Variants in C2CD2 observed in about 807,000 individuals in gnomAD.
C2CD2 encodes C2 calcium dependent domain containing 2, also known as C2 domain-containing protein 2.
A neutral mutation model predicts 74.3 loss-of-function variants in C2CD2; 43 were observed. The observed-to-expected ratio is 0.58, with a 90% CI of 0.45 to 0.75. The LOEUF is 0.75. C2CD2 is among the 30% of genes least tolerant of loss of function. The probability of loss-of-function intolerance (pLI) is 0.00; values close to 1 mark genes in which losing one functional copy is unlikely to be tolerated. For missense variants in C2CD2, 801 were observed against 916.3 expected, an observed-to-expected ratio of 0.87 and a Z score of 1.63; for synonymous variants, 422 against 390.7, an observed-to-expected ratio of 1.08 and a Z score of -0.94.
intron 10 of C2CD2, 68 bp downstream of exon 10, chr21:41,906,924 G>T: frequency 7.9e-7 from 1 of 1,271,088 alleles, no homozygotes; most frequent in Non-Finnish European, 1.1e-6. Flanking sequence ...CTCTGCAGTT[G>T]TGGGGGCAAG....
At chr21:41,890,659 G>A (rs2064741065) in intron 13 of C2CD2, among the ~76,000 whole-genome samples, 1 of 152,200 alleles carries the variant, frequency 6.6e-6, no homozygotes, top group Non-Finnish European at 1.5e-5. Flanking sequence ...CTTTGTGATA[G>A]GCATATCCAA....
intron 1 of C2CD2, among the ~76,000 whole-genome samples, chr21:41,947,226 C>T (rs1051082778): frequency 1.4e-5 from 2 of 147,598 alleles, no homozygotes; most frequent in Admixed American, 6.8e-5. Flanking sequence ...GGCGCGATCT[C>T]GGCTCACTGC....
At position 41,926,176 on chromosome 21, in the gene C2CD2, G is replaced by A. The variant is rs1038795645; in HGVS notation, c.379-4091C>T. Among the ~76,000 whole-genome samples, 4 of 152,170 alleles carry A rather than the reference G, an allele frequency of 2.6e-5. No individual in the cohort carries two copies. Among genetic ancestry groups the A allele is most frequent in the East Asian group, 1.9e-4 (1 of 5,200 alleles). ...TGCATCTGCAGGAGCGAGCTCCCTC[G>A]ACAACAACCAACCATCCCCCAACCT... On this transcript the variant is annotated intron_variant, in intron 2 of 13. Coordinates refer to ENST00000380486, the MANE Select transcript of C2CD2 (RefSeq NM_015500.2). The surrounding 1 kb of genome is among the most constrained non-coding windows in gnomAD (Gnocchi z 8.0).
chr21:41,891,389 T>G (rs533321455), intron 13 of C2CD2, among the ~76,000 whole-genome samples: 3 of 152,206 alleles, frequency 2.0e-5, no homozygotes, highest in Non-Finnish European at 4.4e-5. Context: ...AGGTGGATAA[T>G]GACCCCCAAC....
At chr21:41,952,807 C>G (rs1222654156) in intron 1 of C2CD2, 1 of 152,294 alleles carries the variant, frequency 6.6e-6, no homozygotes, top group African/African-American at 2.4e-5. Context: ...GATAACACCC[C>G]TGTCCCGGGA....
At chr21:41,951,223 G>A (rs186449442) in intron 1 of C2CD2, among the ~76,000 whole-genome samples, 149 of 152,314 alleles carry the variant, frequency 9.8e-4, no homozygotes, top group African/African-American at 3.1e-3. Flanking sequence ...ACACGGCAGC[G>A]ACGGCTCAGG....
At chr21:41,893,241 AC>A (rs1163651941) in intron 13 of C2CD2, among the ~76,000 whole-genome samples, 8 of 152,338 alleles carry the variant, frequency 5.3e-5, no homozygotes, top group African/African-American at 1.7e-4. Context: ...GTGAAATTGT[AC>A]TACAAGTGCC....
At chr21:41,891,231 G>A (rs2064749958) in intron 13 of C2CD2, among the ~76,000 whole-genome samples, 1 of 152,148 alleles carries the variant, frequency 6.6e-6, no homozygotes, top group Admixed American at 6.5e-5. Context: ...AGGCGGGTAA[G>A]TAGTATCAAC....
chr21:41,895,409 C>T lies in C2CD2; in HGVS notation c.1870+3644G>A, dbSNP rs147331098. ...TTTGCTGATAGTGAAGTTCACACTA[C>T]GGTCAACAATAGCCGGGGCCATGTT... On this transcript the variant is annotated intron_variant, in intron 13 of 13. Transcript: ENST00000380486. The surrounding 1 kb of genome is among the most constrained non-coding windows in gnomAD (Gnocchi z 5.0). Among the ~76,000 whole-genome samples the T allele has an allele frequency of 2.8e-4, 43 of 152,292 alleles. No individual in the cohort carries two copies. The highest frequency in any genetic ancestry group is 1.4e-3 in the Admixed American group (22 of 15,298).
chr21:41,933,108 C>A (rs1336140610), intron 2 of C2CD2, among the ~76,000 whole-genome samples: 1 of 149,932 alleles, frequency 6.7e-6, no homozygotes, highest in Non-Finnish European at 1.5e-5. Flanking sequence ...ATGCCAACCA[C>A]ATGTCCCTTG....
chr21:41,891,335 C>T (rs1230622976), intron 13 of C2CD2, among the ~76,000 whole-genome samples: 1 of 152,228 alleles, frequency 6.6e-6, no homozygotes, highest in Non-Finnish European at 1.5e-5. Flanking sequence ...CTGAAAAATG[C>T]AGCACATCGT....
intron 3 of C2CD2, 116 bp from the exon 4 acceptor site, chr21:41,919,076 G>A (rs1054958757): frequency 1.9e-5 from 14 of 739,514 alleles, no homozygotes; most frequent in Non-Finnish European, 3.3e-5. Context: ...GTGAGCATGT[G>A]TCTATGTGAG....
chr21:41,942,492 C>G, intron 1 of C2CD2, among the ~76,000 whole-genome samples: 1 of 152,264 alleles, frequency 6.6e-6, no homozygotes, highest in South Asian at 2.1e-4. Context: ...GACAGGAACC[C>G]GGGAGTAAAC....
rs2064702685 is a variant in C2CD2, at chr21:41,887,834, T to G, written c.*1290A>C. On this transcript the variant is annotated 3_prime_UTR_variant, in exon 14 of 14. Transcript: ENST00000380486. ...GTCTTTGGAGAAAAGTGAATCATAT[T>G]AAACTGTCAAGAACACTTCACCCCA... 6.6e-6 allele frequency: 1 copy of G among 152,206 alleles called. No individual in the cohort carries two copies. The highest frequency in any genetic ancestry group is 2.1e-4 in the South Asian group (1 of 4,834). The allele number at this position is 152,206 out of a possible 1,614,324, so 9.4% of individuals were successfully genotyped here. A position where few individuals can be genotyped will look rare whatever the true frequency, so the allele number is the denominator to read the frequency against.
rs778013814 is a variant in C2CD2 at position 41,947,137 on chromosome 21, T to TCTCTCTCTCTCTCTCTCCCCCTCC, written c.280-4893_280-4892insGGAGGGGGAGAGAGAGAGAGAGAG. On this transcript the variant is annotated intron_variant, in intron 1 of 13. Transcript: ENST00000380486. The stretch of plus-strand genomic sequence containing the variant: ...TTCTCTCTCTCTCTCTCTCTCTCTC[T>TCTCTCTCTCTCTCTCTCCCCCTCC]CTCCCTCCCTCCCTCCCTCCCTCTC... Among the ~76,000 whole-genome samples the TCTCTCTCTCTCTCTCTCCCCCTCC allele has an allele frequency of 5.8e-4, 15 of 25,694 alleles. 1 individual carries two copies. The highest frequency in any genetic ancestry group is 2.4e-3 in the African/African-American group (15 of 6,308). 16.9% of individuals were successfully genotyped at this position (25,694 alleles called of 152,430 possible).
Position 41,948,870 on chromosome 21 carries a change from C to CTTTTTTTTTTTTTTTTTTTTTTTT in C2CD2, c.279+4499_279+4500insAAAAAAAAAAAAAAAAAAAAAAAA, listed in dbSNP as rs967927171. 2.5e-4 allele frequency among the ~76,000 whole-genome samples: 20 copies of CTTTTTTTTTTTTTTTTTTTTTTTT among 80,708 alleles called. 8 individuals are homozygous for CTTTTTTTTTTTTTTTTTTTTTTTT. The highest frequency in any genetic ancestry group is 3.9e-4 in the Non-Finnish European group (17 of 43,190). The allele number at this position is 80,708 out of a possible 152,430, so 52.9% of individuals were successfully genotyped here. ...AATATGTTCCAAGTCCACACAGCAT[C>CTTTTTTTTTTTTTTTTTTTTTTTT]TTTTTTTTTTTTTTTTTTTTTTCTT... On this transcript the variant is annotated intron_variant, in intron 1 of 13. Transcript: ENST00000380486.
rs182479863 is a variant in C2CD2 at position 41,938,119 on chromosome 21, G to T, written c.378+4028C>A. ...TTTAAATTTCTAACCACACAAAATG[G>T]TAAGTATGTGACATCATCTGTATGT... On this transcript the variant is annotated intron_variant, in intron 2 of 13. Transcript: ENST00000380486. 6.1e-4 allele frequency among the ~76,000 whole-genome samples: 92 copies of T among 151,616 alleles called. 1 individual carries two copies. The highest frequency in any genetic ancestry group is 2.1e-3 in the African/African-American group (88 of 41,266).
intron 5 of C2CD2, 23 bp downstream of exon 5, chr21:41,918,082 C>T: frequency 1.2e-6 from 2 of 1,613,806 alleles, no homozygotes; most frequent in Non-Finnish European, 1.7e-6. Flanking sequence ...TCAGATGCAC[C>T]CACAGCACCC....
chr21:41,944,831 GA>G (rs1232930781), intron 1 of C2CD2, among the ~76,000 whole-genome samples: 1 of 152,138 alleles, frequency 6.6e-6, no homozygotes, highest in Non-Finnish European at 1.5e-5. Flanking sequence ...GGAAAACACT[GA>G]AAAAGGAAGA....
Sources: allele counts gnomAD v4.1 joint callset (sites outside exome capture counted in the v4.1 genomes callset), GRCh38; gene constraint gnomAD v4.1.1; non-coding constraint Gnocchi (gnomAD v3.1); transcripts MANE v1.5; gene names NCBI Gene and HGNC (gene_info 2026-07-23, HGNC 2026-07-21).